Variants in CMPK2 observed in about 807,000 individuals in gnomAD.
CMPK2 encodes the protein UMP-CMP kinase 2, mitochondrial.
CMPK2 carries 32 observed loss-of-function variants against 33.4 expected under a neutral mutation model. The ratio of observed to expected loss-of-function variants is 0.96; its 90% CI spans 0.72 to 1.29. The LOEUF (loss-of-function observed/expected upper bound fraction) is 1.29, where lower values mean the gene tolerates loss of function less well. Ranked by LOEUF, CMPK2 falls within the 50% of genes most tolerant of loss-of-function variation. CMPK2 has a pLI of 0.00. For missense variants in CMPK2, 672 were observed against 616.0 expected (o/e 1.09, Z -0.96); for synonymous variants, 299 against 275.3 (o/e 1.09, Z -0.85).
At chr2:6,843,139 T>C (rs1420306795) in intron 3 of CMPK2, among the ~76,000 whole-genome samples, 2 of 152,212 alleles carry the variant, frequency 1.3e-5, no homozygotes, top group East Asian at 3.8e-4. Context: ...GAGGCAGTAC[T>C]GTCCAAGTCA....
chr2:6,858,421 TAA>T (rs1390072724), intron 3 of CMPK2, among the ~76,000 whole-genome samples: 1 of 152,220 alleles, frequency 6.6e-6, no homozygotes, highest in Admixed American at 6.5e-5. Context: ...CCTATAATGT[TAA>T]GTTTGCTCCA....
At chr2:6,847,118 G>A (rs1269212162), downstream of CMPK2, among the ~76,000 whole-genome samples, 1 of 152,106 alleles carries the variant, frequency 6.6e-6, no homozygotes, top group Non-Finnish European at 1.5e-5. Flanking sequence ...GCTGGAAAGG[G>A]GAATGAATGT....
rs773951131 is a variant in CMPK2, at chr2:6,849,981, C to T, written c.1227-8G>A. ...TGGTAGGACATTTCTACCCTGGGGA[C>T]AGGCAAAACACAAAGAGTTGGTCTA... On this transcript the variant is annotated splice_polypyrimidine_tract_variant and splice_region_variant and intron_variant, in intron 4 of 4. Coordinates refer to ENST00000256722, the MANE Select transcript of CMPK2 (RefSeq NM_207315.4). The T allele has an allele frequency of 1.2e-6, 2 of 1,605,340 alleles. No homozygotes were observed. Among genetic ancestry groups the T allele is most frequent in the Non-Finnish European group, 1.7e-6 (2 of 1,172,786 alleles).
Position 6,865,573 on chromosome 2 carries a change from G to C in CMPK2, c.124C>G (p.Leu42Val), listed in dbSNP as rs986757483. The C allele has an allele frequency of 7.3e-7, 1 of 1,370,574 alleles. No individual in the cohort carries two copies. Among genetic ancestry groups the C allele is most frequent in the South Asian group, 1.6e-5 (1 of 60,822 alleles). The allele number at this position is 1,370,574 out of a possible 1,614,324, so 84.9% of individuals were successfully genotyped here. A position where few individuals can be genotyped will look rare whatever the true frequency, so the allele number is the denominator to read the frequency against. ...TCGGCGCCTAGGGCGAAGTGAGCCA[G>C]GGTGCAGTCGGGAAGCTCCAGGACG... ...RFVLELPDCT[L>V]AHFALGADAP... The change falls in exon 1 of 5, where the codon CTG becomes GTG. Residue 42 changes from leucine to valine, a missense_variant. Leu to Val is a conservative substitution (Grantham distance 32, BLOSUM62 1). Transcript: ENST00000256722.
At chr2:6,862,937 T>C (rs1662926143) in intron 2 of CMPK2, among the ~76,000 whole-genome samples, 1 of 152,232 alleles carries the variant, frequency 6.6e-6, no homozygotes, top group Non-Finnish European at 1.5e-5. Flanking sequence ...TTTGGTCTCA[T>C]GTGAGCACAC....
rs150849711 is a variant in CMPK2, at chr2:6,850,881, G to A, written c.1226+569C>T. On this transcript the variant is annotated intron_variant, in intron 4 of 4. Coordinates refer to ENST00000256722, the MANE Select transcript of CMPK2 (RefSeq NM_207315.4). ...AGGCCTGGCCAGACTCTCTTCTGCA[G>A]TCGTGTTTATAACTTTCTAATTAAA... 763 of 992,432 alleles carry A rather than the reference G, an allele frequency of 7.7e-4. 5 individuals carry two copies. In the African/African-American group the frequency reaches 0.013, roughly 17 times the overall value. 61.5% of individuals were successfully genotyped at this position (992,432 alleles called of 1,614,324 possible).
chr2:6,865,663 G>C lies in CMPK2; in HGVS notation c.34C>G (p.Leu12Val). ...AFARRLLRGP[L>V]SGPLLGRRGV... Reference sequence around the variant, plus strand: ...CGCCGCCCGAGCAGCGGCCCCGACAGTGGCCCGCGCAGGAGCCGGCGGGCG... The same window carrying C: ...CGCCGCCCGAGCAGCGGCCCCGACACTGGCCCGCGCAGGAGCCGGCGGGCG... The change falls in exon 1 of 5, where the codon CTG becomes GTG. Residue 12 changes from leucine (L) to valine (V), a missense_variant. By Grantham distance (32) the Leu-to-Val change is conservative. Transcript: ENST00000256722. 1 of 1,317,218 alleles carries C rather than the reference G, an allele frequency of 7.6e-7. No individual in the cohort carries two copies. The highest frequency in any genetic ancestry group is 9.6e-7 in the Non-Finnish European group (1 of 1,041,656). The allele number at this position is 1,317,218 out of a possible 1,614,324, so 81.6% of individuals were successfully genotyped here. A position where few individuals can be genotyped will look rare whatever the true frequency, so the allele number is the denominator to read the frequency against.
At chr2:6,850,819 T>C (rs1176330422) in intron 4 of CMPK2, 1 of 985,882 alleles carries the variant, frequency 1.0e-6, no homozygotes, top group African/African-American at 1.7e-5. Context: ...TTAAAGGCAG[T>C]GGTGTAGAAC....
intron 3 of CMPK2, among the ~76,000 whole-genome samples, chr2:6,857,976 C>T (rs897920138): frequency 6.6e-6 from 1 of 152,152 alleles, no homozygotes; most frequent in African/African-American, 2.4e-5. Context: ...ATTCCAATGG[C>T]TCCCCAGTGC....
rs777759061 is a variant in CMPK2 at position 6,843,018 on chromosome 2, AG to A, written c.993-2341del. On this transcript the variant is annotated intron_variant, in intron 3 of 3. Transcript: ENST00000458098. ...TGAGAAAGTCCCTCAGTTGGGACAC[AG>A]AGGGGAATATCATCTACTTATTGTA... Among the ~76,000 whole-genome samples the A allele has an allele frequency of 2.1e-3, 316 of 152,352 alleles. 1 individual carries two copies. Among genetic ancestry groups the A allele is most frequent in the Non-Finnish European group, 3.5e-3 (238 of 68,038 alleles).
chr2:6,846,076 TC>T (rs1662354251), downstream of CMPK2, among the ~76,000 whole-genome samples: 1 of 152,090 alleles, frequency 6.6e-6, no homozygotes, highest in African/African-American at 2.4e-5. Flanking sequence ...ATGATAAGGC[TC>T]CCCAGGGAGA....
Position 6,848,889 on chromosome 2 carries a change from T to G in CMPK2, c.*961A>C, listed in dbSNP as rs954647365. On this transcript the variant is annotated 3_prime_UTR_variant, in exon 5 of 5. Coordinates refer to ENST00000256722, the MANE Select transcript of CMPK2 (RefSeq NM_207315.4). ...TTTACCAAGAAATCCCACTCCAAGA[T>G]CCACTGTACTTATTTAACAAGACAA... The G allele has an allele frequency of 5.1e-6, 5 of 985,786 alleles. No homozygotes were observed. The highest frequency in any genetic ancestry group is 6.0e-6 in the Non-Finnish European group (5 of 829,836). 61.1% of individuals were successfully genotyped at this position (985,786 alleles called of 1,614,324 possible).
At chr2:6,844,168 T>C (rs1662299219), downstream of CMPK2, among the ~76,000 whole-genome samples, 1 of 152,116 alleles carries the variant, frequency 6.6e-6, no homozygotes, top group Admixed American at 6.5e-5. Context: ...CCTGGGGGAT[T>C]CTGGATTTTA....
intron 2 of CMPK2, among the ~76,000 whole-genome samples, chr2:6,861,690 C>A (rs4669106): frequency 0.95 from 145,027 of 152,232 alleles, 69,457 homozygotes; most frequent in East Asian, 1. Context: ...CCATGTCCCC[C>A]ACCCAGAAGA....
chr2:6,842,049 G>C (rs954619243), intron 3 of CMPK2, among the ~76,000 whole-genome samples: 3 of 152,150 alleles, frequency 2.0e-5, no homozygotes, highest in African/African-American at 7.2e-5. Context: ...TGGTGAAAGA[G>C]GTGTGCTTTT....
At chr2:6,850,972 C>T (rs1191318476) in intron 4 of CMPK2, 9 of 1,000,508 alleles carry the variant, frequency 9.0e-6, no homozygotes, top group Non-Finnish European at 1.1e-5. Flanking sequence ...TAGTTATGTA[C>T]ATTTAGACAA....
intron 3 of CMPK2, among the ~76,000 whole-genome samples, chr2:6,841,040 A>C (rs1401974588): frequency 6.6e-6 from 1 of 151,838 alleles, no homozygotes; most frequent in African/African-American, 2.4e-5. Context: ...TGTTTTCTCC[A>C]CCTTCCCTGA....
chr2:6,846,479 A>T (rs901130511), downstream of CMPK2, among the ~76,000 whole-genome samples: 7 of 152,230 alleles, frequency 4.6e-5, no homozygotes, highest in Non-Finnish European at 7.3e-5. Flanking sequence ...TACATTCTTG[A>T]TTATTAAGAT....
At chr2:6,855,076 C>G (rs1290433732) in intron 3 of CMPK2, among the ~76,000 whole-genome samples, 1 of 151,844 alleles carries the variant, frequency 6.6e-6, no homozygotes, top group Non-Finnish European at 1.5e-5. Flanking sequence ...CCACCAAAAT[C>G]TCATGCCAAA....
Sources: gnomAD v4.1 joint callset for allele counts (sites outside exome capture counted in the v4.1 genomes callset) on GRCh38, gnomAD v4.1.1 for gene constraint, MANE v1.5 for transcripts, NCBI Gene and HGNC (gene_info 2026-07-23, HGNC 2026-07-21) for gene names.